The following REV1 variants were observed in gnomAD, a reference collection of about 807,000 sequenced individuals.
The protein encoded by REV1 is translesion synthesis protein REV1.
A neutral mutation model predicts 137.4 loss-of-function variants in REV1; 42 were observed. The observed-to-expected ratio is 0.31, with a 90% CI of 0.24 to 0.40. The LOEUF is 0.40. Among genes scored for constraint, REV1 ranks in the 10% least tolerant of loss-of-function variants. The probability of loss-of-function intolerance (pLI) is 1.00; values close to 1 mark genes in which losing one functional copy is unlikely to be tolerated. For synonymous variants in REV1, 524 were observed against 519.2 expected (o/e 1.01, Z -0.12); for missense variants, 1,282 against 1,490.1 (o/e 0.86, Z 2.30).
At position 99,418,953 on chromosome 2, in the gene REV1, A is replaced by T. The variant is rs988317201; in HGVS notation, c.1832-6T>A. 2 of 1,323,256 alleles carry T rather than the reference A, an allele frequency of 1.5e-6. No individual in the cohort carries two copies. The highest frequency in any genetic ancestry group is 1.5e-5 in the African/African-American group (1 of 66,696). 82.0% of individuals were successfully genotyped at this position (1,323,256 alleles called of 1,614,324 possible). A position where few individuals can be genotyped will look rare whatever the true frequency, so the allele number is the denominator to read the frequency against. On this transcript the variant is annotated splice_polypyrimidine_tract_variant and splice_region_variant and intron_variant, in intron 11 of 22. Transcript: ENST00000258428. ...AGCCAGGAGAATATTAGAACCTATT[A>T]AAAAAAAAAGTCATCCAAGAAATAG...
chr2:99,470,196 C>T (rs1360252253), intron 1 of REV1, among the ~76,000 whole-genome samples: 2 of 152,052 alleles, frequency 1.3e-5, no homozygotes, highest in Admixed American at 6.6e-5. Flanking sequence ...GTTCATCACA[C>T]ACTAGAAAAA....
intron 1 of REV1, among the ~76,000 whole-genome samples, chr2:99,478,907 G>A (rs543309317): frequency 6.6e-6 from 1 of 152,264 alleles, no homozygotes; most frequent in South Asian, 2.1e-4. Flanking sequence ...TGATAATAGA[G>A]AAAAGGACAG....
chr2:99,462,474 G>A (rs1485943428), intron 3 of REV1, 22 bp downstream of exon 3: 17 of 1,570,898 alleles, frequency 1.1e-5, no homozygotes, highest in Non-Finnish European at 1.4e-5. Context: ...GCCAAAATAG[G>A]GTTAAGTAAA....
rs761425588 is a variant in REV1, at chr2:99,418,807, T to C, written c.1951+21A>G. 5 of 1,600,304 alleles carry C rather than the reference T, an allele frequency of 3.1e-6. No individual in the cohort carries two copies. The South Asian group carries it at 3.3e-5, about 11-fold the overall frequency. On this transcript the variant is annotated intron_variant, in intron 12 of 22. Transcript: ENST00000258428. ...CTTGTAATGCCTGTAATAAAAGTAT[T>C]GTTAAAATATTTCTATTTACCTGGT... is the stretch of plus-strand genomic sequence containing the variant.
At chr2:99,443,833 A>C (rs919980823) in intron 4 of REV1, among the ~76,000 whole-genome samples, 4 of 150,686 alleles carry the variant, frequency 2.7e-5, no homozygotes, top group African/African-American at 4.9e-5. Flanking sequence ...TTCTTCCTCA[A>C]ACCAACTTTT....
intron 11 of REV1, among the ~76,000 whole-genome samples, chr2:99,419,952 G>C (rs1678442169): frequency 6.6e-6 from 1 of 152,234 alleles, no homozygotes; most frequent in African/African-American, 2.4e-5. Context: ...GATAAAAGTA[G>C]TGAGTTCAGG....
intron 1 of REV1, among the ~76,000 whole-genome samples, chr2:99,465,683 A>T (rs13415713): frequency 0.15 from 23,146 of 152,172 alleles, 2,133 homozygotes; most frequent in African/African-American, 0.23. Flanking sequence ...TGTAAAGTCA[A>T]AGCCTTTTAA....
chr2:99,418,741 A>G, intron 12 of REV1, 87 bp downstream of exon 12: 1 of 1,271,592 alleles, frequency 7.9e-7, no homozygotes, highest in Non-Finnish European at 1.1e-6. Flanking sequence ...TGTCTGGGCA[A>G]AAAGAGGTCT....
At position 99,400,576 on chromosome 2, in the gene REV1, A is replaced by G. The variant is rs1675236161; in HGVS notation, c.*665T>C. 6.6e-6 allele frequency: 1 copy of G among 152,184 alleles called. No individual in the cohort carries two copies. Among genetic ancestry groups the G allele is most frequent in the South Asian group, 2.1e-4 (1 of 4,828 alleles). The allele number at this position is 152,184 out of a possible 1,614,324, so 9.4% of individuals were successfully genotyped here. A position where few individuals can be genotyped will look rare whatever the true frequency, so the allele number is the denominator to read the frequency against. ...ATCTATACCGTTCTTTTTTATCATC[A>G]AAGTTTCTCAATGGCCAGTAGAAGC... On this transcript the variant is annotated 3_prime_UTR_variant, in exon 23 of 23. Transcript: ENST00000258428.
At chr2:99,467,413 A>G (rs189955735) in intron 1 of REV1, among the ~76,000 whole-genome samples, 57 of 152,362 alleles carry the variant, frequency 3.7e-4, no homozygotes, top group African/African-American at 1.3e-3. Context: ...ACTCATGAAC[A>G]ACAAACTCCT....
rs758555264 is a variant in REV1, at chr2:99,405,991, T to G, written c.2730A>C (p.Ser910=). The G allele has an allele frequency of 1.5e-5, 25 of 1,613,948 alleles. No individual in the cohort carries two copies. The African/African-American group carries it at 3.3e-4, about 22-fold the overall frequency. The change falls in exon 17 of 23, where the codon TCA becomes TCC. Residue 910 remains serine (S), a synonymous_variant. Coordinates refer to ENST00000258428, the MANE Select transcript of REV1 (RefSeq NM_016316.4). ...TSPDTNKAES[S]GKWNGLHTPV... is the part of the protein sequence containing the mutation. ...GAGTATGTAGACCATTCCATTTCCC[T>G]GAAGACTCAGCCTTGTTAGTATCAG...
Position 99,421,613 on chromosome 2 carries a change from G to A in REV1, c.1717C>T (p.Leu573=). The change falls in exon 11 of 23, where the codon CTG becomes TTG. Residue 573 remains leucine (L), a synonymous_variant. Coordinates refer to ENST00000258428, the MANE Select transcript of REV1 (RefSeq NM_016316.4). The stretch of plus-strand genomic sequence containing the variant: ...GCAAGGATTTCGGTAATGTCTACCA[G>A]CGCTTCATCACAACTGACAGCTTCA... ...NIEAVSCDEA[L]VDITEILAET... is the part of the protein sequence containing the mutation. 2 of 1,614,158 alleles carry A rather than the reference G, an allele frequency of 1.2e-6. No homozygotes were observed. The highest frequency in any genetic ancestry group is 1.7e-6 in the Non-Finnish European group (2 of 1,179,994).
chr2:99,440,007 T>A (rs1305957851), intron 5 of REV1, among the ~76,000 whole-genome samples: 1 of 152,100 alleles, frequency 6.6e-6, no homozygotes, highest in East Asian at 1.9e-4. Context: ...GGTAATTCAG[T>A]AAAATTTACA....
chr2:99,428,785 G>A (rs6727483), intron 9 of REV1, among the ~76,000 whole-genome samples: 22,154 of 151,930 alleles, frequency 0.15, 1,786 homozygotes, highest in East Asian at 0.24. Flanking sequence ...CACGAGGTCA[G>A]TTAGCCATCC....
At chr2:99,485,131 T>C (rs1687008011) in intron 1 of REV1, among the ~76,000 whole-genome samples, 1 of 151,584 alleles carries the variant, frequency 6.6e-6, no homozygotes, top group African/African-American at 2.4e-5. Context: ...AGAAATGAAA[T>C]AACAATCCTA....
intron 14 of REV1, among the ~76,000 whole-genome samples, chr2:99,409,245 C>G (rs1559290484): frequency 6.6e-6 from 1 of 152,200 alleles, no homozygotes; most frequent in Non-Finnish European, 1.5e-5. Flanking sequence ...ATTATGTTCT[C>G]TAATTGTAAT....
chr2:99,444,297 C>T (rs1001503196), intron 4 of REV1, among the ~76,000 whole-genome samples: 1 of 152,238 alleles, frequency 6.6e-6, no homozygotes, highest in African/African-American at 2.4e-5. Flanking sequence ...AACTAAGAGA[C>T]AAGTAGAGAG....
At chr2:99,419,933 C>T (rs913312616) in intron 11 of REV1, among the ~76,000 whole-genome samples, 1 of 152,126 alleles carries the variant, frequency 6.6e-6, no homozygotes, top group Non-Finnish European at 1.5e-5. Flanking sequence ...TGGGAAGTCA[C>T]ACCAAAATGA....
At chr2:99,475,010 C>T (rs555864646) in intron 1 of REV1, among the ~76,000 whole-genome samples, 2 of 152,078 alleles carry the variant, frequency 1.3e-5, no homozygotes, top group Admixed American at 6.6e-5. Flanking sequence ...TTAGTTCCTC[C>T]GTATGTGGAA....
Sources: gnomAD v4.1 joint callset for allele counts (sites outside exome capture counted in the v4.1 genomes callset) on GRCh38, gnomAD v4.1.1 for gene constraint, MANE v1.5 for transcripts, NCBI Gene and HGNC (gene_info 2026-07-23, HGNC 2026-07-21) for gene names.